Variants in ANKRD26 observed in about 807,000 individuals in gnomAD.
The protein encoded by ANKRD26 is ankyrin repeat domain 26, also known as ankyrin repeat domain-containing protein 26.
In ANKRD26, 141 loss-of-function variants were observed where a neutral mutation model predicts 208.7. That is an observed-to-expected ratio of 0.68 (90% CI 0.59 to 0.78). The LOEUF is 0.78. Ranked by LOEUF, ANKRD26 falls within the 30% of genes least tolerant of loss-of-function variation. The pLI is 0.00. For missense variants in ANKRD26, 1,889 were observed against 1,938.7 expected, an observed-to-expected ratio of 0.97 and a Z score of 0.48; for synonymous variants, 636 against 660.4, an observed-to-expected ratio of 0.96 and a Z score of 0.57.
chr10:27,072,686 T>TTGTG (rs1353531674), intron 9 of ANKRD26, among the ~76,000 whole-genome samples: 4 of 152,192 alleles, frequency 2.6e-5, no homozygotes, highest in African/African-American at 9.6e-5. Context: ...CATCACAACG[T>TTGTG]CTGCAAGCAC....
At chr10:26,986,255 T>G (rs1280863361) in intron 3 of ANKRD26, among the ~76,000 whole-genome samples, 1 of 152,224 alleles carries the variant, frequency 6.6e-6, no homozygotes, top group African/African-American at 2.4e-5. Context: ...GATCCCTTCC[T>G]TACACCTTAT....
chr10:27,091,413 CTG>C (rs1190218405), intron 4 of ANKRD26, among the ~76,000 whole-genome samples: 1 of 152,090 alleles, frequency 6.6e-6, no homozygotes, highest in Non-Finnish European at 1.5e-5. Context: ...CCAATAAAAG[CTG>C]TCTTTCTTCC....
chr10:26,990,927 A>G (rs1239873751), downstream of ANKRD26, among the ~76,000 whole-genome samples: 2 of 152,222 alleles, frequency 1.3e-5, no homozygotes, highest in African/African-American at 4.8e-5. Flanking sequence ...GAGAATTAGC[A>G]AGACAAAATC....
At chr10:27,019,241 C>T (rs1564360095) in intron 29 of ANKRD26, among the ~76,000 whole-genome samples, 1 of 152,018 alleles carries the variant, frequency 6.6e-6, no homozygotes, top group Non-Finnish European at 1.5e-5. Flanking sequence ...GATCACGCCA[C>T]TGCACTCCAG....
chr10:26,951,564 G>A, the ANKRD26 span, among the ~76,000 whole-genome samples: 1 of 152,114 alleles, frequency 6.6e-6, no homozygotes, highest in African/African-American at 2.4e-5. Context: ...TAGTACACAG[G>A]ACAGTTTTTA....
intron 3 of ANKRD26, 60 bp downstream of exon 3, chr10:27,093,289 T>C: frequency 6.7e-7 from 1 of 1,501,912 alleles, no homozygotes; most frequent in Non-Finnish European, 9.1e-7. Flanking sequence ...CCCTTACATA[T>C]GTCACTGTTG....
rs373644875 is a variant in ANKRD26 at position 27,046,471 on chromosome 10, G to A, written c.1867C>T (p.Arg623Trp). ...KEVKSTEKEK[R>W]TSKESVNSPV... ...GAATTCACAGATTCTTTCGAGGTCC[G>A]TTTTTCTTTTTCAGTGCTCTTTACT... is the stretch of plus-strand genomic sequence containing the variant. Residue 623 changes from arginine to tryptophan, a missense_variant, in exon 18 of 34, where the codon CGG (arginine) becomes TGG (tryptophan). Arg to Trp is a moderately radical substitution (Grantham distance 101). Transcript: ENST00000376087. 2.0e-4 allele frequency: 322 copies of A among 1,613,900 alleles called. 10 individuals are homozygous for A. The South Asian group carries it at 2.6e-3, about 13-fold the overall frequency.
intron 7 of ANKRD26, among the ~76,000 whole-genome samples, chr10:27,078,690 G>C (rs114598659): frequency 6.6e-6 from 1 of 152,016 alleles, no homozygotes; most frequent in Non-Finnish European, 1.5e-5. Flanking sequence ...CCTGAAAGCT[G>C]TAACATTCTT....
the ANKRD26 span, among the ~76,000 whole-genome samples, chr10:26,953,280 AG>A: frequency 6.6e-6 from 1 of 152,114 alleles, no homozygotes; most frequent in Non-Finnish European, 1.5e-5. Context: ...AAAATTAGCC[AG>A]GCGTGGTGGT....
rs1231323328 is a variant in ANKRD26 at position 27,029,285 on chromosome 10, C to G, written c.3878+1G>C. 1.9e-6 allele frequency: 3 copies of G among 1,609,794 alleles called. No individual in the cohort carries two copies. Among genetic ancestry groups the G allele is most frequent in the Admixed American group, 3.3e-5 (2 of 59,778 alleles). ...TTTCTGTGTGCTGCTTTAAATTTTA[C>G]TTTTGCTTGTGATCTTGCATCTTCT... On this transcript the variant is annotated splice_donor_variant, in intron 26 of 33. Transcript: ENST00000376087. LOFTEE classifies it high-confidence loss of function.
chr10:27,089,109 T>C (rs1016078380), intron 4 of ANKRD26, among the ~76,000 whole-genome samples: 2 of 152,220 alleles, frequency 1.3e-5, no homozygotes, highest in Non-Finnish European at 2.9e-5. Context: ...TCTCAATCAG[T>C]AAGAGCATCC....
chr10:27,051,514 TC>T (rs1320272365), intron 16 of ANKRD26: 3 of 1,025,046 alleles, frequency 2.9e-6, no homozygotes, highest in Non-Finnish European at 3.5e-6. Context: ...ACTTCTGGGT[TC>T]CTTACTTTTT....
chr10:27,053,103 T>G (rs1246841829), intron 16 of ANKRD26, among the ~76,000 whole-genome samples: 1 of 152,170 alleles, frequency 6.6e-6, no homozygotes, highest in Non-Finnish European at 1.5e-5. Flanking sequence ...AAAGATTAAC[T>G]ATAACAAAAA....
intron 3 of ANKRD26, among the ~76,000 whole-genome samples, chr10:26,984,598 G>T (rs2052356271): frequency 6.6e-6 from 1 of 152,154 alleles, no homozygotes; most frequent in African/African-American, 2.4e-5. Context: ...GGAGGGCACT[G>T]TAAAAAGAAT....
chr10:27,044,428 TAACA>T (rs1225115947), intron 18 of ANKRD26, among the ~76,000 whole-genome samples: 1 of 150,402 alleles, frequency 6.6e-6, no homozygotes, highest in Non-Finnish European at 1.5e-5. Context: ...AACAATATCA[TAACA>T]AACAAATTTA....
exon 6 of ANKRD26, among the ~76,000 whole-genome samples, chr10:26,974,103 C>A (rs1047218555): frequency 3.9e-5 from 6 of 151,996 alleles, no homozygotes; most frequent in African/African-American, 1.4e-4. Context: ...TAAAATGATA[C>A]CCTGAATACC....
intron 12 of ANKRD26, among the ~76,000 whole-genome samples, chr10:27,061,583 A>G (rs909925919): frequency 3.6e-5 from 5 of 140,106 alleles, no homozygotes; most frequent in Admixed American, 7.4e-5. Flanking sequence ...TTTTTGATAC[A>G]GAGTCTCACT....
At chr10:26,988,324 T>G (rs1240092172), downstream of ANKRD26, among the ~76,000 whole-genome samples, 1 of 152,146 alleles carries the variant, frequency 6.6e-6, no homozygotes, top group Non-Finnish European at 1.5e-5. Flanking sequence ...TAACTTGGGG[T>G]GAGCACAGCT....
At chr10:27,011,170 G>T (rs2053091636) in intron 32 of ANKRD26, among the ~76,000 whole-genome samples, 2 of 152,116 alleles carry the variant, frequency 1.3e-5, no homozygotes, top group Non-Finnish European at 2.9e-5. Flanking sequence ...AAGCTAACGT[G>T]CACTGATTAA....
Sources: allele counts gnomAD v4.1 joint callset (sites outside exome capture counted in the v4.1 genomes callset), GRCh38; gene constraint gnomAD v4.1.1; transcripts MANE v1.5; gene names NCBI Gene and HGNC (gene_info 2026-07-23, HGNC 2026-07-21).